The following DENND5B variants were observed in gnomAD, a reference collection of about 807,000 sequenced individuals.
DENND5B encodes DENN domain-containing protein 5B.
A neutral mutation model predicts 140.6 loss-of-function variants in DENND5B; 34 were observed. That is an observed-to-expected ratio of 0.24 (90% CI 0.18 to 0.32). The LOEUF (loss-of-function observed/expected upper bound fraction) is 0.32, where lower values mean the gene tolerates loss of function less well. Ranked by LOEUF, DENND5B falls within the 10% of genes least tolerant of loss-of-function variation. The pLI, the probability that DENND5B is intolerant of heterozygous loss-of-function variation, is 1.00. For synonymous variants in DENND5B, 551 were observed against 562.1 expected (o/e 0.98, Z 0.28); for missense variants, 1,142 against 1,560.2 (o/e 0.73, Z 4.52).
chr12:31,495,949 A>T lies in DENND5B; in HGVS notation c.128-30T>A, dbSNP rs377610223. 6.7e-5 allele frequency: 99 copies of T among 1,472,944 alleles called. 1 individual carries two copies. Among genetic ancestry groups the T allele is most frequent in the Non-Finnish European group, 1.1e-5 (12 of 1,076,994 alleles). 91.2% of individuals were successfully genotyped at this position (1,472,944 alleles called of 1,614,324 possible). ...AACAAATAATACATAGTTAATATCT[A>T]GAACTTTTCCAAAAGCATGTCATAG... On this transcript the variant is annotated intron_variant, in intron 1 of 20. Transcript: ENST00000389082.
intron 3 of DENND5B, among the ~76,000 whole-genome samples, chr12:31,461,118 C>T (rs543441658): frequency 6.6e-5 from 10 of 151,678 alleles, no homozygotes; most frequent in African/African-American, 2.2e-4. Context: ...CTGGCCCCGT[C>T]GCCCAGGCTG....
chr12:31,400,741 T>C (rs1047181579), intron 15 of DENND5B, among the ~76,000 whole-genome samples: 3 of 152,206 alleles, frequency 2.0e-5, no homozygotes, highest in African/African-American at 7.2e-5. Context: ...TATTTTAAAA[T>C]GTACAGTTAA....
intron 3 of DENND5B, among the ~76,000 whole-genome samples, chr12:31,472,775 T>G (rs921243010): frequency 2.0e-5 from 3 of 152,068 alleles, no homozygotes; most frequent in African/African-American, 7.2e-5. Flanking sequence ...TGGGGATATA[T>G]AGTAAGGTAA....
At chr12:31,429,590 G>T (rs956518142) in intron 8 of DENND5B, among the ~76,000 whole-genome samples, 2 of 150,658 alleles carry the variant, frequency 1.3e-5, no homozygotes, top group African/African-American at 4.9e-5. Flanking sequence ...TATATTTTTA[G>T]TAGAGACGGG....
At chr12:31,544,816 A>C (rs908278175) in intron 1 of DENND5B, among the ~76,000 whole-genome samples, 1 of 152,148 alleles carries the variant, frequency 6.6e-6, no homozygotes, top group African/African-American at 2.4e-5. Context: ...ACCACTAATA[A>C]AATATTTATT....
intron 7 of DENND5B, among the ~76,000 whole-genome samples, chr12:31,438,090 C>T (rs575304398): frequency 1.3e-5 from 2 of 152,310 alleles, no homozygotes; most frequent in South Asian, 4.1e-4. Flanking sequence ...ATTCTCCTGC[C>T]TCAGCCTCCC....
intron 7 of DENND5B, among the ~76,000 whole-genome samples, chr12:31,436,648 C>T (rs1209926204): frequency 6.6e-6 from 1 of 152,040 alleles, no homozygotes; most frequent in East Asian, 1.9e-4. Flanking sequence ...AATTCTCCTG[C>T]CTCAGCCTTC....
intron 5 of DENND5B, among the ~76,000 whole-genome samples, chr12:31,449,731 G>GTTTTTTTTTTTTTTTTTTTTTTT (rs771712867): frequency 1.1e-5 from 1 of 89,970 alleles, no homozygotes. Context: ...ACACAGATTA[G>GTTTTTTTTTTTTTTTTTTTTTTT]TTTTTTTTTT....
intron 1 of DENND5B, among the ~76,000 whole-genome samples, chr12:31,586,889 T>C (rs1411642810): frequency 1.3e-5 from 2 of 152,224 alleles, no homozygotes; most frequent in African/African-American, 4.8e-5. Flanking sequence ...TTGAAATTAA[T>C]GCAGCAAAAC....
intron 13 of DENND5B, among the ~76,000 whole-genome samples, chr12:31,411,932 G>A (rs1942482134): frequency 1.3e-5 from 2 of 152,166 alleles, no homozygotes; most frequent in Admixed American, 6.5e-5. Flanking sequence ...TAGCACTAAT[G>A]TAAATATAAG....
At chr12:31,443,021 A>C in intron 6 of DENND5B, 96 bp from the exon 7 acceptor site, 1 of 1,080,072 alleles carries the variant, frequency 9.3e-7, no homozygotes, top group Non-Finnish European at 1.3e-6. Flanking sequence ...GAACCCAATC[A>C]CTCTGACACT....
intron 1 of DENND5B, among the ~76,000 whole-genome samples, chr12:31,587,651 G>A (rs1413966242): frequency 2.8e-5 from 4 of 141,824 alleles, no homozygotes; most frequent in East Asian, 4.4e-4. Flanking sequence ...GGGTTCAAGC[G>A]ATTCTCCTGC....
chr12:31,518,868 G>A (rs1161244456), intron 1 of DENND5B, among the ~76,000 whole-genome samples: 1 of 152,046 alleles, frequency 6.6e-6, no homozygotes, highest in Non-Finnish European at 1.5e-5. Context: ...AACCAATTTT[G>A]TTCATTCTTT....
In DENND5B at chr12:31,414,694, C is replaced by T. The variant is rs1040812438; in HGVS notation, c.2552+673G>A. Among the ~76,000 whole-genome samples, 7 of 151,894 alleles carry T rather than the reference C, an allele frequency of 4.6e-5. No homozygotes were observed. The East Asian group carries it at 5.8e-4, about 13-fold the overall frequency. On this transcript the variant is annotated intron_variant, in intron 12 of 20. Transcript: ENST00000389082. ...GCGCCTGTAATCCCAGCACTTTGGACGGCTGAGGCAGGTGGATCATGAGGT... is the reference window on the plus strand; with the variant it reads ...GCGCCTGTAATCCCAGCACTTTGGATGGCTGAGGCAGGTGGATCATGAGGT...
chr12:31,489,416 A>C (rs1336005402), intron 2 of DENND5B, among the ~76,000 whole-genome samples: 1 of 152,220 alleles, frequency 6.6e-6, no homozygotes, highest in Admixed American at 6.5e-5. Context: ...TAGGAAAGAC[A>C]GACACAGAAA....
intron 15 of DENND5B, 49 bp from the exon 16 acceptor site, chr12:31,399,821 A>C: frequency 7.0e-7 from 1 of 1,433,282 alleles, no homozygotes; most frequent in Non-Finnish European, 9.7e-7. Context: ...CCATCCTGTT[A>C]CATCTCAGCT....
intron 2 of DENND5B, among the ~76,000 whole-genome samples, chr12:31,487,867 G>C (rs956711505): frequency 1.3e-5 from 2 of 152,172 alleles, no homozygotes; most frequent in African/African-American, 2.4e-5. Flanking sequence ...ACAATTGGTT[G>C]AATGAATAAA....
intron 12 of DENND5B, among the ~76,000 whole-genome samples, chr12:31,414,240 A>G (rs553453503): frequency 6.6e-6 from 1 of 152,310 alleles, no homozygotes; most frequent in South Asian, 2.1e-4. Flanking sequence ...TTAAACCCAT[A>G]CATTGTAAGA....
Position 31,402,656 on chromosome 12 carries a change from T to G in DENND5B, c.2804-13A>C, listed in dbSNP as rs1444889703. On this transcript the variant is annotated splice_polypyrimidine_tract_variant and intron_variant, in intron 14 of 20. Transcript: ENST00000389082. ...CTATACGGAATCACTGAAAGAAAAA[T>G]GCAGAAATTAATTAAAAAGCGGGAA... 1.9e-6 allele frequency: 3 copies of G among 1,581,984 alleles called. No homozygotes were observed.
Sources: gnomAD v4.1 joint callset for allele counts (sites outside exome capture counted in the v4.1 genomes callset) on GRCh38, gnomAD v4.1.1 for gene constraint, MANE v1.5 for transcripts, NCBI Gene and HGNC (gene_info 2026-07-23, HGNC 2026-07-21) for gene names.